The following RNF214 variants were observed in gnomAD, a reference collection of about 807,000 sequenced individuals.
RNF214 encodes the protein ring finger protein 214.
Under a neutral mutation model 75.9 loss-of-function variants are expected in RNF214, and 25 were observed. The ratio of observed to expected loss-of-function variants is 0.33; its 90% CI spans 0.24 to 0.46. The LOEUF (loss-of-function observed/expected upper bound fraction) is 0.46. RNF214 is among the 20% of genes least tolerant of loss of function. The pLI is 1.00. For synonymous variants in RNF214, 314 were observed against 308.8 expected (o/e 1.02, Z -0.18); for missense variants, 725 against 857.5 (o/e 0.85, Z 1.93).
intron 6 of RNF214, among the ~76,000 whole-genome samples, chr11:117,262,948 A>T (rs2033702415): frequency 6.6e-6 from 1 of 151,956 alleles, no homozygotes; most frequent in South Asian, 2.1e-4. Flanking sequence ...CTGTGACTAC[A>T]GCTGTGCACT....
Position 117,285,213 on chromosome 11 carries a change from AT to A in RNF214, c.*65del. On this transcript the variant is annotated 3_prime_UTR_variant, in exon 15 of 15. Coordinates refer to ENST00000300650, the MANE Select transcript of RNF214 (RefSeq NM_207343.4). ...TGTGAACAGGAAGCGCGGGTTCAAG[AT>A]TTCTAAAACTCTATATTTATACAGT... 1 of 1,140,704 alleles carries A rather than the reference AT, an allele frequency of 8.8e-7. No individual in the cohort carries two copies. The highest frequency in any genetic ancestry group is 1.3e-6 in the Non-Finnish European group (1 of 750,708). 70.7% of individuals were successfully genotyped at this position (1,140,704 alleles called of 1,614,324 possible).
intron 6 of RNF214, among the ~76,000 whole-genome samples, chr11:117,278,846 T>G (rs2034068456): frequency 6.6e-6 from 1 of 152,236 alleles, no homozygotes; most frequent in South Asian, 2.1e-4. Context: ...ATCCCAGCAC[T>G]GTGGGAGGCC....
rs2034229994 is a variant in RNF214 at position 117,285,258 on chromosome 11, G to A, written c.*107G>A. On this transcript the variant is annotated 3_prime_UTR_variant, in exon 15 of 15. Coordinates refer to ENST00000300650, the MANE Select transcript of RNF214 (RefSeq NM_207343.4). ...ATACAGTGACATATACTCATGCCAT[G>A]TACATTTTTATTATATAGGTAATGT... 6.7e-6 allele frequency: 5 copies of A among 741,468 alleles called. No homozygotes were observed. The South Asian group carries it at 8.2e-5, about 12-fold the overall frequency. The allele number at this position is 741,468 out of a possible 1,614,324, so 45.9% of individuals were successfully genotyped here.
At chr11:117,240,123 T>C (rs762255022) in intron 4 of RNF214, among the ~76,000 whole-genome samples, 20 of 148,630 alleles carry the variant, frequency 1.3e-4, no homozygotes, top group Non-Finnish European at 2.5e-4. Context: ...GAAGCCGAAG[T>C]GGGTGGATCG....
chr11:117,274,550 T>C (rs1440884458), intron 6 of RNF214, among the ~76,000 whole-genome samples: 1 of 151,528 alleles, frequency 6.6e-6, no homozygotes, highest in Non-Finnish European at 1.5e-5. Context: ...GTATTTTTAG[T>C]AGAGACGAGG....
chr11:117,232,681 T>TTC lies in RNF214; in HGVS notation c.-52_-51insTC, dbSNP rs1372064561. 6.7e-6 allele frequency: 1 copy of TTC among 149,210 alleles called. No homozygotes were observed. Among genetic ancestry groups the TTC allele is most frequent in the Non-Finnish European group, 1.5e-5 (1 of 67,078 alleles). 9.2% of individuals were successfully genotyped at this position (149,210 alleles called of 1,614,324 possible). ...CGCGCGCGGGCCGGCGCTCGACCCC[T>TTC]CCCCCCGTGGCTCGGCCGCCCCCTC... On this transcript the variant is annotated 5_prime_UTR_variant, in exon 1 of 15. Coordinates refer to ENST00000300650, the MANE Select transcript of RNF214 (RefSeq NM_207343.4).
At chr11:117,279,843 C>G in intron 6 of RNF214, 65 bp from the exon 7 acceptor site, 1 of 1,276,182 alleles carries the variant, frequency 7.8e-7, no homozygotes. Flanking sequence ...TGTACTTTTG[C>G]CCTGGTATCT....
chr11:117,282,053 C>A lies in RNF214; in HGVS notation c.1495C>A (p.Pro499Thr), dbSNP rs755015472. Residue 499 changes from proline (P) to threonine (T), a missense_variant, in exon 11 of 15, where the codon CCT becomes ACT. By Grantham distance (38) the Pro-to-Thr change is conservative. Coordinates refer to ENST00000300650, the MANE Select transcript of RNF214 (RefSeq NM_207343.4). ...CCCTGCCCTTTCCCAGCCCAGCCAG[C>A]CTTCCTCACCCCTTCCTGGCTCCCA... ...LNPALSQPSQPSSPLPGSHGR... is the reference protein window; with the variant it reads ...LNPALSQPSQTSSPLPGSHGR... The A allele has an allele frequency of 6.2e-7, 1 of 1,614,144 alleles. No individual in the cohort carries two copies. Among genetic ancestry groups the A allele is most frequent in the Non-Finnish European group, 8.5e-7 (1 of 1,180,026 alleles).
intron 2 of RNF214, among the ~76,000 whole-genome samples, chr11:117,236,020 G>A (rs2032899464): frequency 6.6e-6 from 1 of 151,954 alleles, no homozygotes; most frequent in South Asian, 2.1e-4. Context: ...GAGTGCAGTG[G>A]TGCGATCTTG....
At chr11:117,244,382 C>A in intron 4 of RNF214, 63 bp from the exon 5 acceptor site, 1 of 1,407,112 alleles carries the variant, frequency 7.1e-7, no homozygotes, top group Non-Finnish European at 1.0e-6. Context: ...CTTGGACAGG[C>A]ACTGGTGAAT....
intron 6 of RNF214, among the ~76,000 whole-genome samples, chr11:117,262,102 C>T (rs1459592366): frequency 6.7e-6 from 1 of 148,312 alleles, no homozygotes; most frequent in African/African-American, 2.5e-5. Context: ...ACGAGTCTGG[C>T]TCCGTCCCCC....
At chr11:117,246,046 T>C (rs1009887287) in intron 5 of RNF214, among the ~76,000 whole-genome samples, 3 of 152,110 alleles carry the variant, frequency 2.0e-5, no homozygotes, top group African/African-American at 7.2e-5. Context: ...GCTCACCGTA[T>C]CTTTGACTTT....
chr11:117,261,587 T>C (rs1259078965), intron 6 of RNF214, among the ~76,000 whole-genome samples: 1 of 151,966 alleles, frequency 6.6e-6, no homozygotes, highest in African/African-American at 2.4e-5. Flanking sequence ...CTCAAAAAAA[T>C]TATCAAATGA....
chr11:117,284,591 G>A (rs2034205709), intron 14 of RNF214, among the ~76,000 whole-genome samples: 1 of 152,148 alleles, frequency 6.6e-6, no homozygotes. Flanking sequence ...AAAAAGGACA[G>A]GTTCACTTGC....
At position 117,270,237 on chromosome 11, in the gene RNF214, TTTTC is replaced by T. The variant is rs1293820496; in HGVS notation, c.960-9667_960-9664del. ...GGCTTTTCAATTTTCTTTTCTTTTCTTTTCTTTTTTTTTTTTTTTTTTTTTTTTT... is the reference window on the plus strand; with the variant it reads ...GGCTTTTCAATTTTCTTTTCTTTTCTTTTTTTTTTTTTTTTTTTTTTTTTT... On this transcript the variant is annotated intron_variant, in intron 6 of 14. Transcript: ENST00000300650. Among the ~76,000 whole-genome samples the T allele has an allele frequency of 9.9e-4, 133 of 134,452 alleles. 1 individual carries two copies. The highest frequency in any genetic ancestry group is 3.7e-3 in the African/African-American group (130 of 34,960). 88.2% of individuals were successfully genotyped at this position (134,452 alleles called of 152,430 possible). A position where few individuals can be genotyped will look rare whatever the true frequency, so the allele number is the denominator to read the frequency against.
chr11:117,237,518 C>CA, intron 2 of RNF214, among the ~76,000 whole-genome samples: 1 of 152,160 alleles, frequency 6.6e-6, no homozygotes, highest in East Asian at 1.9e-4. Flanking sequence ...AGGGTGGGGT[C>CA]AAAGAAATTA....
At chr11:117,257,045 A>G (rs1442765997) in intron 6 of RNF214, among the ~76,000 whole-genome samples, 1 of 152,224 alleles carries the variant, frequency 6.6e-6, no homozygotes, top group Admixed American at 6.5e-5. Flanking sequence ...AATTATAAGA[A>G]TCATTATGGC....
intron 6 of RNF214, among the ~76,000 whole-genome samples, chr11:117,257,856 A>T (rs1024312484): frequency 3.9e-5 from 6 of 152,186 alleles, no homozygotes; most frequent in Admixed American, 3.3e-4. Context: ...GAGTGTTGTG[A>T]TGCTATTCAG....
intron 6 of RNF214, among the ~76,000 whole-genome samples, chr11:117,260,270 A>T (rs1487264263): frequency 6.6e-6 from 1 of 152,154 alleles, no homozygotes; most frequent in Non-Finnish European, 1.5e-5. Flanking sequence ...CTGGGACTAC[A>T]GCCATGTACC....
Sources: allele counts gnomAD v4.1 joint callset (sites outside exome capture counted in the v4.1 genomes callset), GRCh38; gene constraint gnomAD v4.1.1; transcripts MANE v1.5; gene names NCBI Gene and HGNC (gene_info 2026-07-23, HGNC 2026-07-21).